Variants in CYP19A1 observed in about 807,000 individuals in gnomAD.
CYP19A1 encodes the protein cytochrome P450 family 19 subfamily A member 1, also known as aromatase.
In CYP19A1, 32 loss-of-function variants were observed where a neutral mutation model predicts 44.4. That is an observed-to-expected ratio of 0.72 (90% CI 0.54 to 0.97). CYP19A1 has a LOEUF of 0.97. CYP19A1 is among the 50% of genes least tolerant of loss of function. The probability of loss-of-function intolerance (pLI) is 0.00; values close to 1 mark genes in which losing one functional copy is unlikely to be tolerated. For missense variants in CYP19A1, 598 were observed against 637.8 expected, an observed-to-expected ratio of 0.94 and a Z score of 0.67; for synonymous variants, 212 against 215.6, an observed-to-expected ratio of 0.98 and a Z score of 0.14.
At chr15:51,320,173 C>G (rs555536235) in intron 1 of CYP19A1, 2 of 152,448 alleles carry the variant, frequency 1.3e-5, no homozygotes, top group East Asian at 3.9e-4. Context: ...GGCTCCCATC[C>G]CTGCTCACAG....
intron 1 of CYP19A1, among the ~76,000 whole-genome samples, chr15:51,258,873 G>A (rs1400597738): frequency 6.6e-6 from 1 of 152,142 alleles, no homozygotes; most frequent in African/African-American, 2.4e-5. Flanking sequence ...AAAAAATGGG[G>A]AGCCAGCAAT....
intron 1 of CYP19A1, chr15:51,278,851 C>T (rs1206140674): frequency 1.3e-5 from 2 of 152,150 alleles, no homozygotes; most frequent in African/African-American, 4.8e-5. Context: ...TGACACTGCC[C>T]CTTGAGACCC....
At chr15:51,327,152 A>T (rs2036620670) in intron 1 of CYP19A1, among the ~76,000 whole-genome samples, 1 of 152,188 alleles carries the variant, frequency 6.6e-6, no homozygotes, top group South Asian at 2.1e-4. Context: ...TTTAGAAGTA[A>T]AGTCACCTAG....
intron 3 of CYP19A1, among the ~76,000 whole-genome samples, chr15:51,229,920 G>A (rs1377316122): frequency 6.6e-6 from 1 of 152,170 alleles, no homozygotes; most frequent in Non-Finnish European, 1.5e-5. Flanking sequence ...TAAAAAGAGA[G>A]TAAGAAACTC....
intron 1 of CYP19A1, among the ~76,000 whole-genome samples, chr15:51,325,675 T>TA (rs540254183): frequency 0.011 from 1,741 of 151,870 alleles, 35 homozygotes; most frequent in African/African-American, 0.04. Context: ...CCGTCTCTAC[T>TA]AAAAATACAA....
intron 1 of CYP19A1, among the ~76,000 whole-genome samples, chr15:51,332,841 T>G (rs1251043884): frequency 1.3e-5 from 2 of 152,240 alleles, no homozygotes; most frequent in Non-Finnish European, 2.9e-5. Flanking sequence ...CCCATGATCC[T>G]TCTTCCCCTA....
chr15:51,307,908 G>A (rs550544323), intron 1 of CYP19A1, among the ~76,000 whole-genome samples: 62 of 152,176 alleles, frequency 4.1e-4, no homozygotes, highest in African/African-American at 1.3e-3. Context: ...AAGAGTTAAC[G>A]TTTATTGAGC....
At chr15:51,260,671 C>A (rs964015557) in intron 1 of CYP19A1, among the ~76,000 whole-genome samples, 34 of 152,202 alleles carry the variant, frequency 2.2e-4, no homozygotes, top group Non-Finnish European at 4.4e-5. Flanking sequence ...TACCTTTAAA[C>A]ACAGGGCTTG....
chr15:51,245,420 C>G (rs2034006965), intron 1 of CYP19A1, among the ~76,000 whole-genome samples: 1 of 152,148 alleles, frequency 6.6e-6, no homozygotes, highest in Non-Finnish European at 1.5e-5. Flanking sequence ...ATACATGTGC[C>G]ATGCTGGTGT....
chr15:51,245,609 T>C (rs2414098), intron 1 of CYP19A1, among the ~76,000 whole-genome samples: 99,032 of 151,958 alleles, frequency 0.65, 32,485 homozygotes, highest in South Asian at 0.74. Flanking sequence ...AGAAAATTTT[T>C]GCAACCTACT....
chr15:51,213,282 T>C (rs1222624125), intron 8 of CYP19A1, among the ~76,000 whole-genome samples: 1 of 152,172 alleles, frequency 6.6e-6, no homozygotes, highest in African/African-American at 2.4e-5. Context: ...TGGGGATAGA[T>C]GGACACCCTC....
chr15:51,278,306 A>G (rs1421116039), intron 1 of CYP19A1: 1 of 152,206 alleles, frequency 6.6e-6, no homozygotes, highest in African/African-American at 2.4e-5. Context: ...TACTAATCAC[A>G]AATAGAAAAC....
intron 1 of CYP19A1, chr15:51,337,824 G>A (rs1883764287): frequency 6.6e-6 from 1 of 152,312 alleles, no homozygotes; most frequent in African/African-American, 2.4e-5. Context: ...CTACCTTGTA[G>A]GCCATATCAA....
At chr15:51,215,679 A>C (rs748014958) in intron 7 of CYP19A1, 24 bp downstream of exon 7, 10 of 1,613,824 alleles carry the variant, frequency 6.2e-6, no homozygotes, top group Admixed American at 1.7e-5. Flanking sequence ...TGGCATGGGA[A>C]TTACAGTTAG....
At position 51,235,818 on chromosome 15, in the gene CYP19A1, T is replaced by C. The variant is rs183179823; in HGVS notation, c.296+1041A>G. Among the ~76,000 whole-genome samples, 303 of 152,352 alleles carry C rather than the reference T, an allele frequency of 2.0e-3. 2 individuals are homozygous for C. The highest frequency in any genetic ancestry group is 2.2e-3 in the Non-Finnish European group (152 of 68,026). On this transcript the variant is annotated intron_variant, in intron 3 of 9. Coordinates refer to ENST00000396402, the MANE Select transcript of CYP19A1 (RefSeq NM_000103.4). ...TATCTGAATGAATAATTCTAACAAA[T>C]TGGTAAAACACCCTGGTCAGCTTTA...
chr15:51,276,006 GATT>G (rs2035295662), intron 1 of CYP19A1, among the ~76,000 whole-genome samples: 1 of 152,180 alleles, frequency 6.6e-6, no homozygotes, highest in Admixed American at 6.5e-5. Context: ...GCTAAATGAA[GATT>G]ATGATGGAAA....
chr15:51,292,986 G>C (rs1010712396), intron 1 of CYP19A1, among the ~76,000 whole-genome samples: 5 of 151,982 alleles, frequency 3.3e-5, no homozygotes, highest in Non-Finnish European at 7.4e-5. Context: ...GGGTAGAAAA[G>C]GCCAGCCTCC....
chr15:51,274,866 C>T (rs1489613172), intron 1 of CYP19A1, among the ~76,000 whole-genome samples: 1 of 152,116 alleles, frequency 6.6e-6, no homozygotes, highest in Non-Finnish European at 1.5e-5. Context: ...GAAGGGGCAA[C>T]ACCATAAGCC....
At chr15:51,302,315 T>A (rs542974914) in intron 1 of CYP19A1, among the ~76,000 whole-genome samples, 31 of 152,360 alleles carry the variant, frequency 2.0e-4, no homozygotes, top group African/African-American at 6.7e-4. Flanking sequence ...ATTATTCCCC[T>A]GAGGGAATTC....
Sources: gnomAD v4.1 joint callset for allele counts (sites outside exome capture counted in the v4.1 genomes callset) on GRCh38, gnomAD v4.1.1 for gene constraint, MANE v1.5 for transcripts, NCBI Gene and HGNC (gene_info 2026-07-23, HGNC 2026-07-21) for gene names.